Variants in SLMAP observed in about 807,000 individuals in gnomAD.
The protein encoded by SLMAP is sarcolemmal membrane-associated protein.
A neutral mutation model predicts 128.8 loss-of-function variants in SLMAP; 44 were observed. That is an observed-to-expected ratio of 0.34 (90% confidence interval 0.27 to 0.44). The LOEUF (loss-of-function observed/expected upper bound fraction) is 0.44, where lower values mean the gene tolerates loss of function less well. Among genes scored for constraint, SLMAP ranks in the 20% least tolerant of loss-of-function variants. SLMAP has a pLI of 1.00. For missense variants in SLMAP, 787 were observed against 985.3 expected, an observed-to-expected ratio of 0.80 and a Z score of 2.69; for synonymous variants, 327 against 348.8, an observed-to-expected ratio of 0.94 and a Z score of 0.70.
At chr3:57,845,292 GA>G (rs2094188067) in intron 4 of SLMAP, among the ~76,000 whole-genome samples, 1 of 152,176 alleles carries the variant, frequency 6.6e-6, no homozygotes, top group Non-Finnish European at 1.5e-5. Flanking sequence ...TATAATCAAA[GA>G]AGGACAGTAA....
intron 13 of SLMAP, among the ~76,000 whole-genome samples, chr3:57,868,499 G>C (rs1178562964): frequency 6.6e-6 from 1 of 151,958 alleles, no homozygotes; most frequent in Admixed American, 6.6e-5. Context: ...GCTAAGCAGG[G>C]AAGACTGCTT....
At chr3:57,914,989 G>A (rs966510811) in intron 21 of SLMAP, among the ~76,000 whole-genome samples, 3 of 151,458 alleles carry the variant, frequency 2.0e-5, no homozygotes, top group South Asian at 2.1e-4. Context: ...AGGTTCAAGC[G>A]ATTCTGCTGC....
chr3:57,773,182 G>C (rs1447090430), intron 2 of SLMAP, among the ~76,000 whole-genome samples: 6 of 152,212 alleles, frequency 3.9e-5, no homozygotes, highest in East Asian at 1.9e-4. Flanking sequence ...CCTCCAAGTA[G>C]AGTTTGTATT....
At chr3:57,889,164 G>A (rs909770605) in intron 14 of SLMAP, among the ~76,000 whole-genome samples, 3 of 152,336 alleles carry the variant, frequency 2.0e-5, no homozygotes, top group South Asian at 4.1e-4. Flanking sequence ...GATTACAGGC[G>A]TGAGCCACTG....
intron 15 of SLMAP, chr3:57,896,299 T>G (rs2096243149): frequency 2.3e-6 from 3 of 1,278,208 alleles, no homozygotes; most frequent in South Asian, 4.2e-5. Context: ...AAAGCAGACA[T>G]GATCCACATT....
intron 17 of SLMAP, among the ~76,000 whole-genome samples, chr3:57,902,641 T>G (rs4681653): frequency 0.31 from 47,156 of 152,026 alleles, 7,655 homozygotes; most frequent in East Asian, 0.48. Context: ...GGTAATCTTA[T>G]CTAGAATCCA....
chr3:57,917,934 A>G (rs2096845239), intron 22 of SLMAP: 1 of 152,242 alleles, frequency 6.6e-6, no homozygotes, highest in African/African-American at 2.4e-5. Flanking sequence ...GTCTTTAATA[A>G]TGAACTTTCC....
chr3:57,856,246 C>T (rs2094782211), intron 6 of SLMAP, among the ~76,000 whole-genome samples: 1 of 152,002 alleles, frequency 6.6e-6, no homozygotes, highest in South Asian at 2.1e-4. Context: ...AAAAGTTCTT[C>T]TTTCTTCAAT....
At chr3:57,853,966 T>TATA (rs1242535938) in intron 6 of SLMAP, among the ~76,000 whole-genome samples, 2 of 77,938 alleles carry the variant, frequency 2.6e-5, no homozygotes, top group Non-Finnish European at 5.0e-5. Flanking sequence ...TATATATATA[T>TATA]ATATATATAT....
Position 57,757,294 on chromosome 3 carries a change from G to A in SLMAP, c.-358G>A. 3.0e-6 allele frequency: 1 copy of A among 334,790 alleles called. No individual in the cohort carries two copies. Among genetic ancestry groups the A allele is most frequent in the South Asian group, 2.9e-5 (1 of 34,636 alleles). The allele number at this position is 334,790 out of a possible 1,614,324, so 20.7% of individuals were successfully genotyped here. A position where few individuals can be genotyped will look rare whatever the true frequency, so the allele number is the denominator to read the frequency against. On this transcript the variant is annotated 5_prime_UTR_variant, in exon 2 of 25. Coordinates refer to ENST00000671191, the MANE Select transcript of SLMAP (RefSeq NM_001377540.1). ...AAACCAAACACAAGAATTGGCGTGT[G>A]ACTCATCTGCTTGGATACCTCCAGT... is the stretch of plus-strand genomic sequence containing the variant.
chr3:57,904,624 C>T (rs969882331), intron 17 of SLMAP, among the ~76,000 whole-genome samples: 6 of 152,158 alleles, frequency 3.9e-5, no homozygotes, highest in Non-Finnish European at 8.8e-5. Flanking sequence ...TTCTTTATGA[C>T]ATGGCCCAGC....
chr3:57,849,721 G>A, intron 5 of SLMAP, 33 bp from the exon 6 acceptor site: 2 of 1,216,440 alleles, frequency 1.6e-6, no homozygotes, highest in Non-Finnish European at 2.4e-6. Context: ...TTTATGAAGT[G>A]TTTTCTGTTG....
chr3:57,829,724 T>C (rs2093202507), intron 2 of SLMAP, among the ~76,000 whole-genome samples: 1 of 152,248 alleles, frequency 6.6e-6, no homozygotes, highest in Non-Finnish European at 1.5e-5. Flanking sequence ...AAGTCATTTA[T>C]AGACAGCCTA....
intron 3 of SLMAP, among the ~76,000 whole-genome samples, chr3:57,836,353 A>G (rs1353543865): frequency 6.6e-6 from 1 of 152,194 alleles, no homozygotes; most frequent in Non-Finnish European, 1.5e-5. Flanking sequence ...ATGTTAAAAA[A>G]TTTCAGAAAA....
intron 2 of SLMAP, among the ~76,000 whole-genome samples, chr3:57,763,326 G>A (rs1416461308): frequency 6.6e-6 from 1 of 150,830 alleles, no homozygotes; most frequent in East Asian, 1.9e-4. Context: ...TCAGGCTGGA[G>A]TGCAATGGTG....
At chr3:57,830,225 C>T (rs2093247094) in intron 2 of SLMAP, among the ~76,000 whole-genome samples, 1 of 152,152 alleles carries the variant, frequency 6.6e-6, no homozygotes, top group African/African-American at 2.4e-5. Flanking sequence ...CGAGGCTGGT[C>T]TCGAACCTCT....
intron 4 of SLMAP, among the ~76,000 whole-genome samples, chr3:57,846,058 T>A (rs1336448189): frequency 6.6e-6 from 1 of 152,200 alleles, no homozygotes; most frequent in East Asian, 1.9e-4. Context: ...GCCAGGCTGG[T>A]CTCGAACTCC....
chr3:57,872,384 C>T (rs528303972), intron 14 of SLMAP, among the ~76,000 whole-genome samples: 2 of 152,166 alleles, frequency 1.3e-5, no homozygotes, highest in South Asian at 4.2e-4. Flanking sequence ...TTGGGGAGGC[C>T]GAAGTGGGTG....
At chr3:57,913,331 C>A in intron 21 of SLMAP, 56 bp downstream of exon 21, 2 of 732,432 alleles carry the variant, frequency 2.7e-6, no homozygotes, top group Non-Finnish European at 4.5e-6. Flanking sequence ...CTTAAATTTT[C>A]ATCTAAATTA....
Sources: gnomAD v4.1 joint callset for allele counts (sites outside exome capture counted in the v4.1 genomes callset) on GRCh38, gnomAD v4.1.1 for gene constraint, MANE v1.5 for transcripts, NCBI Gene and HGNC (gene_info 2026-07-23, HGNC 2026-07-21) for gene names.